Variants in IGFBP5 observed in about 807,000 individuals in gnomAD.
The protein encoded by IGFBP5 is insulin-like growth factor-binding protein 5.
Under a neutral mutation model 28.0 loss-of-function variants are expected in IGFBP5, and 12 were observed. The ratio of observed to expected loss-of-function variants is 0.43; its 90% CI spans 0.27 to 0.69. The LOEUF is 0.69. Ranked by LOEUF, IGFBP5 falls within the 30% of genes least tolerant of loss-of-function variation. IGFBP5 has a pLI of 0.20. For synonymous variants in IGFBP5, 152 were observed against 150.2 expected, an observed-to-expected ratio of 1.01 and a Z score of -0.09; for missense variants, 344 against 381.6, an observed-to-expected ratio of 0.90 and a Z score of 0.82.
Position 216,679,281 on chromosome 2 carries a change from G to A in IGFBP5, c.338-202C>T. Reference sequence around the variant, plus strand: ...TCATTTAAGTGGCAGGAAGTTTCTGGCATGCTTGGAGTCAAGCAGAGAGTG... The same window carrying A: ...TCATTTAAGTGGCAGGAAGTTTCTGACATGCTTGGAGTCAAGCAGAGAGTG... On this transcript the variant is annotated intron_variant, in intron 1 of 3. Coordinates refer to ENST00000233813, the MANE Select transcript of IGFBP5 (RefSeq NM_000599.4). The surrounding 1 kb of genome is among the most constrained non-coding windows in gnomAD (Gnocchi z 4.6). 2 of 617,444 alleles carry A rather than the reference G, an allele frequency of 3.2e-6. No homozygotes were observed. The highest frequency in any genetic ancestry group is 5.9e-6 in the Non-Finnish European group (2 of 338,996). 38.2% of individuals were successfully genotyped at this position (617,444 alleles called of 1,614,324 possible).
At chr2:216,690,878 G>A (rs1689086845) in intron 1 of IGFBP5, among the ~76,000 whole-genome samples, 2 of 139,852 alleles carry the variant, frequency 1.4e-5, no homozygotes, top group East Asian at 5.1e-4. Flanking sequence ...AAAGGTGGGG[G>A]AGGGGGGGCG....
In IGFBP5 at chr2:216,676,194, G is replaced by C. The variant is rs1417351034; in HGVS notation, c.*557C>G. 3.3e-5 allele frequency: 5 copies of C among 152,966 alleles called. No individual in the cohort carries two copies. Among genetic ancestry groups the C allele is most frequent in the Middle Eastern group, 6.8e-3 (2 of 294 alleles). The allele number at this position is 152,966 out of a possible 1,614,324, so 9.5% of individuals were successfully genotyped here. On this transcript the variant is annotated 3_prime_UTR_variant, in exon 4 of 4. Transcript: ENST00000233813. ...ATACTGCTGGCTAGAGGAGGAGACA[G>C]ATCCGGGAGAGGTCCTGGAGTGTTT...
At chr2:216,693,950 A>G (rs1689134024) in intron 1 of IGFBP5, among the ~76,000 whole-genome samples, 1 of 151,868 alleles carries the variant, frequency 6.6e-6, no homozygotes. Flanking sequence ...AGAGGGACAA[A>G]GGTGGAATTA....
At position 216,678,888 on chromosome 2, in the gene IGFBP5, T is replaced by C. The variant is rs2106217864; in HGVS notation, c.529A>G (p.Ile177Val). 6.2e-7 allele frequency: 1 copy of C among 1,614,190 alleles called. No individual in the cohort carries two copies. The highest frequency in any genetic ancestry group is 8.5e-7 in the Non-Finnish European group (1 of 1,180,022). The change falls in exon 2 of 4, where the codon ATC becomes GTC. Residue 177 changes from isoleucine (I) to valine (V), a missense_variant. Physicochemically the swap from Ile to Val is conservative, Grantham distance 29. This residue lies in a region of IGFBP5 where 304 missense variants were observed against 329.2 expected (regional missense o/e 0.92). Transcript: ENST00000233813. ...TGTCTCATCTCAGGTGCAGAGATGA[T>C]CCGGGGGTGGGCAGTGTTCTCGGCT... ...GGAENTAHPR[I>V]ISAPEMRQES...
intron 1 of IGFBP5, among the ~76,000 whole-genome samples, chr2:216,681,299 G>C (rs2106219413): frequency 6.6e-6 from 1 of 152,332 alleles, no homozygotes; most frequent in African/African-American, 2.4e-5. Flanking sequence ...GGGAGGGGCA[G>C]ACAGGATATG....
At chr2:216,693,308 G>A (rs1279770783) in intron 1 of IGFBP5, among the ~76,000 whole-genome samples, 1 of 152,056 alleles carries the variant, frequency 6.6e-6, no homozygotes, top group African/African-American at 2.4e-5. Flanking sequence ...CCCGGGGGCG[G>A]GGCAAGCGGA....
At chr2:216,684,784 C>G (rs1689016541) in intron 1 of IGFBP5, among the ~76,000 whole-genome samples, 1 of 152,190 alleles carries the variant, frequency 6.6e-6, no homozygotes, top group Admixed American at 6.5e-5. Context: ...AGAAGTAGGT[C>G]TGGAAGTATT....
At position 216,694,592 on chromosome 2, in the gene IGFBP5, C is replaced by A; in HGVS notation, c.184G>T (p.Ala62Ser). 1 of 1,550,114 alleles carries A rather than the reference C, an allele frequency of 6.5e-7. No homozygotes were observed. The change falls in exon 1 of 4, where the codon GCC becomes TCC. Residue 62 changes from alanine (A) to serine (S), a missense_variant. Ala to Ser is a moderately conservative substitution (Grantham distance 99). Coordinates refer to ENST00000233813, the MANE Select transcript of IGFBP5 (RefSeq NM_000599.4). This position sits in a 1 kb window ranked among gnomAD's most constrained non-coding sequence, Gnocchi z 5.2. ...GCGCCMTCAL[A>S]EGQSCGVYTE... ...TAGACGCCGCACGACTGCCCCTCGG[C>A]CAGGGCGCAGGTCATGCAGCAGCCG...
chr2:216,678,860 TC>T lies in IGFBP5; in HGVS notation c.556del (p.Glu186SerfsTer64). 6.2e-7 allele frequency: 1 copy of T among 1,613,466 alleles called. No homozygotes were observed. Among genetic ancestry groups the T allele is most frequent in the Non-Finnish European group, 8.5e-7 (1 of 1,179,428 alleles). On this transcript the variant is annotated frameshift_variant, in exon 2 of 4. Coordinates refer to ENST00000233813, the MANE Select transcript of IGFBP5 (RefSeq NM_000599.4). LOFTEE classifies it high-confidence loss of function. The stretch of plus-strand genomic sequence containing the variant: ...ATCCCCGAGATGCACCTGCTCAGAC[TC>T]CTGTCTCATCTCAGGTGCAGAGATG... ...RIISAPEMRQ[E>X]SEQGPCRRHM...
In IGFBP5 at chr2:216,676,556, G is replaced by C. The variant is rs1344872542; in HGVS notation, c.*195C>G. 4.9e-6 allele frequency: 2 copies of C among 404,818 alleles called. No individual in the cohort carries two copies. The highest frequency in any genetic ancestry group is 4.2e-5 in the African/African-American group (2 of 47,630). The allele number at this position is 404,818 out of a possible 1,614,324, so 25.1% of individuals were successfully genotyped here. ...GGGGGGGGTGTCTTTTTAGCTTTTT[G>C]CATCTCTGTTGTTGCCATTTTCGAA... On this transcript the variant is annotated 3_prime_UTR_variant, in exon 4 of 4. Coordinates refer to ENST00000233813, the MANE Select transcript of IGFBP5 (RefSeq NM_000599.4).
Position 216,675,928 on chromosome 2 carries a change from C to G in IGFBP5, c.*823G>C, listed in dbSNP as rs1574576412. ...ATGTACTGTAGTCACCGTGGAAGAA[C>G]AAGTCTTTCCAATATTGGGGCATGT... On this transcript the variant is annotated 3_prime_UTR_variant, in exon 4 of 4. Transcript: ENST00000233813. The G allele has an allele frequency of 6.6e-6, 1 of 152,356 alleles. No homozygotes were observed. Among genetic ancestry groups the G allele is most frequent in the East Asian group, 1.9e-4 (1 of 5,172 alleles). 9.4% of individuals were successfully genotyped at this position (152,356 alleles called of 1,614,324 possible).
Position 216,694,530 on chromosome 2 carries a change from G to A in IGFBP5, c.246C>T (p.Pro82=). Residue 82 remains proline (P), a synonymous_variant, in exon 1 of 4, where the codon CCC becomes CCT. Transcript: ENST00000233813. The surrounding 1 kb of genome is among the most constrained non-coding windows in gnomAD (Gnocchi z 5.2). ...ERCAQGLRCL[P]RQDEEKPLHA... is the part of the protein sequence containing the mutation. ...GCAGCGGCTTCTCCTCGTCCTGCCG[G>A]GGGAGGCAGCGCAGCCCCTGGGCGC... 1 of 1,580,614 alleles carries A rather than the reference G, an allele frequency of 6.3e-7. No individual in the cohort carries two copies. The highest frequency in any genetic ancestry group is 8.6e-7 in the Non-Finnish European group (1 of 1,166,514).
intron 1 of IGFBP5, among the ~76,000 whole-genome samples, chr2:216,689,706 A>T (rs935751869): frequency 6.6e-6 from 1 of 152,230 alleles, no homozygotes; most frequent in Admixed American, 6.5e-5. Flanking sequence ...TGGGCAAGTG[A>T]CTTCCCACTC....
intron 2 of IGFBP5, chr2:216,678,624 T>G (rs1574577881): frequency 3.4e-6 from 2 of 582,066 alleles, no homozygotes; most frequent in East Asian, 2.8e-5. Flanking sequence ...TGGCACACAC[T>G]CTCCTCAAAT....
rs1048032855 is a variant in IGFBP5, at chr2:216,694,275, G to A, written c.337+164C>T. Among the ~76,000 whole-genome samples the A allele has an allele frequency of 3.9e-5, 6 of 152,090 alleles. No homozygotes were observed. Among genetic ancestry groups the A allele is most frequent in the Non-Finnish European group, 5.9e-5 (4 of 67,996 alleles). ...GGCTAGACAGTTCCCCCGGGTAGCA[G>A]GATCCTCCAGGGCTCCAATTCCGGG... is the stretch of plus-strand genomic sequence containing the variant. On this transcript the variant is annotated intron_variant, in intron 1 of 3. Coordinates refer to ENST00000233813, the MANE Select transcript of IGFBP5 (RefSeq NM_000599.4). The surrounding 1 kb of genome is among the most constrained non-coding windows in gnomAD (Gnocchi z 5.2).
At chr2:216,680,300 T>C (rs1277449347) in intron 1 of IGFBP5, among the ~76,000 whole-genome samples, 1 of 152,078 alleles carries the variant, frequency 6.6e-6, no homozygotes. Context: ...AAAATTCTGT[T>C]CTCCATCTAC....
rs1688894063 is a variant in IGFBP5 at position 216,676,097 on chromosome 2, T to A, written c.*654A>T. ...TTCAGAGGAATGGAATGCATTTTAGTTTTTATAAATTTGGGGAGAGACAAC... is the reference window on the plus strand; with the variant it reads ...TTCAGAGGAATGGAATGCATTTTAGATTTTATAAATTTGGGGAGAGACAAC... On this transcript the variant is annotated 3_prime_UTR_variant, in exon 4 of 4. Transcript: ENST00000233813. 1 of 152,632 alleles carries A rather than the reference T, an allele frequency of 6.6e-6. No individual in the cohort carries two copies. Among genetic ancestry groups the A allele is most frequent in the African/African-American group, 2.4e-5 (1 of 41,432 alleles). The allele number at this position is 152,632 out of a possible 1,614,324, so 9.5% of individuals were successfully genotyped here.
At chr2:216,688,809 C>T (rs916532651) in intron 1 of IGFBP5, among the ~76,000 whole-genome samples, 1 of 152,038 alleles carries the variant, frequency 6.6e-6, no homozygotes, top group African/African-American at 2.4e-5. Flanking sequence ...TCTGACTTAC[C>T]GGAAAAAGGG....
chr2:216,691,072 T>C lies in IGFBP5; in HGVS notation c.337+3367A>G, dbSNP rs1427306572. Among the ~76,000 whole-genome samples the C allele has an allele frequency of 3.9e-5, 6 of 152,266 alleles. No individual in the cohort carries two copies. The East Asian group carries it at 1.2e-3, about 29-fold the overall frequency. On this transcript the variant is annotated intron_variant, in intron 1 of 3. Transcript: ENST00000233813. Reference sequence around the variant, plus strand: ...CTCCTTCAGTTTTCCATGATCTTGCTCAACCCAGACATAAATTTGGCCAAT... The same window carrying C: ...CTCCTTCAGTTTTCCATGATCTTGCCCAACCCAGACATAAATTTGGCCAAT...
Sources: allele counts gnomAD v4.1 joint callset (sites outside exome capture counted in the v4.1 genomes callset), GRCh38; gene constraint gnomAD v4.1.1; regional missense constraint gnomAD v4.1.1; non-coding constraint Gnocchi (gnomAD v3.1); transcripts MANE v1.5; gene names NCBI Gene and HGNC (gene_info 2026-07-23, HGNC 2026-07-21).